The following RASSF8 variants were observed in gnomAD, a reference collection of about 807,000 sequenced individuals.
RASSF8 encodes Ras association domain family member 8.
RASSF8 carries 22 observed loss-of-function variants against 48.5 expected under a neutral mutation model. The ratio of observed to expected loss-of-function variants is 0.45; its 90% CI spans 0.32 to 0.65. The LOEUF (loss-of-function observed/expected upper bound fraction) is 0.65. Among genes scored for constraint, RASSF8 ranks in the 30% least tolerant of loss-of-function variants. RASSF8 has a pLI of 0.03. For synonymous variants in RASSF8, 127 were observed against 171.5 expected (o/e 0.74, Z 2.03); for missense variants, 418 against 489.2 (o/e 0.85, Z 1.37).
intron 2 of RASSF8, among the ~76,000 whole-genome samples, chr12:26,004,403 C>T (rs117837938): frequency 6.6e-6 from 1 of 152,256 alleles, no homozygotes; most frequent in East Asian, 1.9e-4. Flanking sequence ...TCTTAGTCTA[C>T]AGTTGACCTT....
intron 2 of RASSF8, among the ~76,000 whole-genome samples, chr12:26,028,246 C>T (rs1326734181): frequency 6.6e-6 from 1 of 152,138 alleles, no homozygotes; most frequent in Non-Finnish European, 1.5e-5. Flanking sequence ...TTTCTAAAAG[C>T]CTTTTTCATT....
intron 2 of RASSF8, among the ~76,000 whole-genome samples, chr12:26,035,820 A>G (rs1403568067): frequency 1.4e-5 from 2 of 145,134 alleles, no homozygotes; most frequent in African/African-American, 2.5e-5. Flanking sequence ...ATGAAATTAT[A>G]TATAATATAA....
intron 2 of RASSF8, among the ~76,000 whole-genome samples, chr12:25,998,662 A>C (rs1942187939): frequency 6.6e-6 from 1 of 152,172 alleles, no homozygotes; most frequent in African/African-American, 2.4e-5. Flanking sequence ...GCTTTTCTTA[A>C]GGTTTGATTC....
chr12:26,030,692 T>A (rs898147274), intron 2 of RASSF8, among the ~76,000 whole-genome samples: 5 of 152,192 alleles, frequency 3.3e-5, no homozygotes, highest in Non-Finnish European at 7.3e-5. Flanking sequence ...GTTATCTTTT[T>A]TTTTTTTCCT....
At chr12:26,066,091 TTAAA>T (rs1363678306) in intron 4 of RASSF8, among the ~76,000 whole-genome samples, 3 of 152,150 alleles carry the variant, frequency 2.0e-5, no homozygotes, top group Admixed American at 6.5e-5. Flanking sequence ...TAAATTAAGA[TTAAA>T]TAATAAGGCA....
intron 1 of RASSF8, among the ~76,000 whole-genome samples, chr12:25,981,140 T>C (rs1019232168): frequency 2.0e-5 from 3 of 152,038 alleles, no homozygotes; most frequent in African/African-American, 4.8e-5. Flanking sequence ...TCTGGATGAT[T>C]GTTTTGTTGA....
At chr12:25,991,679 A>G (rs1035540436) in intron 1 of RASSF8, among the ~76,000 whole-genome samples, 2 of 152,140 alleles carry the variant, frequency 1.3e-5, no homozygotes, top group African/African-American at 2.4e-5. Context: ...GGCTGCTTGA[A>G]TGTCTGGCTT....
intron 2 of RASSF8, among the ~76,000 whole-genome samples, chr12:26,028,628 C>T (rs1942965545): frequency 6.6e-6 from 1 of 152,132 alleles, no homozygotes; most frequent in South Asian, 2.1e-4. Context: ...ATTGGGCCCT[C>T]TTAACTAACA....
At chr12:25,986,093 G>A (rs1002490248) in intron 1 of RASSF8, among the ~76,000 whole-genome samples, 3 of 152,202 alleles carry the variant, frequency 2.0e-5, no homozygotes, top group African/African-American at 7.2e-5. Context: ...CTTGGTCTCA[G>A]TGACCCTGTA....
At chr12:26,017,586 A>T (rs1942681019) in intron 2 of RASSF8, among the ~76,000 whole-genome samples, 1 of 152,176 alleles carries the variant, frequency 6.6e-6, no homozygotes, top group Non-Finnish European at 1.5e-5. Context: ...CCACTTTACT[A>T]GGGAGGTGTC....
chr12:26,030,674 T>C (rs1227588612), intron 2 of RASSF8, among the ~76,000 whole-genome samples: 1 of 150,794 alleles, frequency 6.6e-6, no homozygotes, highest in East Asian at 2.0e-4. Flanking sequence ...CAAATAGACA[T>C]CCCCGAAGTT....
intron 2 of RASSF8, among the ~76,000 whole-genome samples, chr12:26,028,622 G>A (rs528412278): frequency 6.6e-6 from 1 of 152,198 alleles, no homozygotes; most frequent in African/African-American, 2.4e-5. Flanking sequence ...AATAGAATTG[G>A]GCCCTCTTAA....
rs1189479942 is a variant in RASSF8, at chr12:26,070,111, A to G, written c.*1293A>G. ...CCATTTTTACATTCCCTCTGGTTAGATTTGGTACAGTATAATTAAGACTTT... is the reference window on the plus strand; with the variant it reads ...CCATTTTTACATTCCCTCTGGTTAGGTTTGGTACAGTATAATTAAGACTTT... On this transcript the variant is annotated 3_prime_UTR_variant, in exon 6 of 6. Transcript: ENST00000689635. 1.1e-5 allele frequency: 11 copies of G among 975,466 alleles called. No homozygotes were observed. Among genetic ancestry groups the G allele is most frequent in the Non-Finnish European group, 1.2e-5 (10 of 821,010 alleles). The allele number at this position is 975,466 out of a possible 1,614,324, so 60.4% of individuals were successfully genotyped here.
At chr12:26,077,185 C>T (rs1944080361), downstream of RASSF8, among the ~76,000 whole-genome samples, 1 of 152,148 alleles carries the variant, frequency 6.6e-6, no homozygotes, top group Admixed American at 6.5e-5. Context: ...GGGTAGATTG[C>T]AAAAATTTTC....
chr12:26,021,384 G>C (rs983676821), intron 2 of RASSF8: 5 of 152,212 alleles, frequency 3.3e-5, no homozygotes, highest in African/African-American at 1.2e-4. Flanking sequence ...GTATTAAGAG[G>C]TGAGACCTTT....
chr12:25,988,091 G>A (rs1337147424), intron 1 of RASSF8, among the ~76,000 whole-genome samples: 1 of 149,900 alleles, frequency 6.7e-6, no homozygotes, highest in East Asian at 1.9e-4. Context: ...TCAAACTCCT[G>A]ACCTCGTGAT....
downstream of RASSF8, among the ~76,000 whole-genome samples, chr12:26,073,749 A>C (rs1480584611): frequency 2.7e-4 from 7 of 26,354 alleles, no homozygotes; most frequent in African/African-American, 1.6e-3. Context: ...CTCTCTCTAT[A>C]CACACACACA....
chr12:26,038,074 G>A (rs1339645247), intron 2 of RASSF8, among the ~76,000 whole-genome samples: 1 of 152,200 alleles, frequency 6.6e-6, no homozygotes, highest in African/African-American at 2.4e-5. Flanking sequence ...GTCATATTGA[G>A]TTGGGATTAT....
chr12:26,006,327 G>A (rs989851927), intron 2 of RASSF8, among the ~76,000 whole-genome samples: 3 of 152,128 alleles, frequency 2.0e-5, no homozygotes, highest in Non-Finnish European at 4.4e-5. Flanking sequence ...GTATGCCCTT[G>A]AGTACTTGGT....
Sources: gnomAD v4.1 joint callset for allele counts (sites outside exome capture counted in the v4.1 genomes callset) on GRCh38, gnomAD v4.1.1 for gene constraint, MANE v1.5 for transcripts, NCBI Gene and HGNC (gene_info 2026-07-23, HGNC 2026-07-21) for gene names.